CNTNAP4: variants seen among roughly 807,000 people sequenced by gnomAD.
The protein encoded by CNTNAP4 is contactin associated protein family member 4.
CNTNAP4 carries 98 observed loss-of-function variants against 148.4 expected under a neutral mutation model. The ratio of observed to expected loss-of-function variants is 0.66; its 90% CI spans 0.56 to 0.78. The LOEUF is 0.78. Among genes scored for constraint, CNTNAP4 ranks in the 30% least tolerant of loss-of-function variants. The pLI, the probability that CNTNAP4 is intolerant of heterozygous loss-of-function variation, is 0.00. For synonymous variants in CNTNAP4, 730 were observed against 565.1 expected, an observed-to-expected ratio of 1.29 and a Z score of -4.14; for missense variants, 1,935 against 1,565.6, an observed-to-expected ratio of 1.24 and a Z score of -3.98.
chr16:76,558,500 T>C lies in CNTNAP4; in HGVS notation c.3744T>C (p.Ala1248=). ...CTTTTCTCTCTCTAGGTCTGATAGC[T>C]GTTGTGATTTTTATCTTGCTTTGCA... ...SDSAVIGGLI[A]VVIFILLCIT... is the part of the protein sequence containing the mutation. The change falls in exon 24 of 24, where the codon GCT becomes GCC. Residue 1248 remains alanine (A), a synonymous_variant. Coordinates refer to ENST00000611870, the MANE Select transcript of CNTNAP4 (RefSeq NM_033401.5). 1.9e-6 allele frequency: 3 copies of C among 1,592,004 alleles called. No individual in the cohort carries two copies. Among genetic ancestry groups the C allele is most frequent in the South Asian group, 2.2e-5 (2 of 90,014 alleles).
intron 1 of CNTNAP4, among the ~76,000 whole-genome samples, chr16:76,292,832 A>C (rs1052938573): frequency 1.3e-5 from 2 of 152,214 alleles, no homozygotes; most frequent in Admixed American, 1.3e-4. Context: ...CAAAATGAAA[A>C]AGAAAACACT....
intron 1 of CNTNAP4, among the ~76,000 whole-genome samples, chr16:76,286,060 A>G (rs1390098748): frequency 6.6e-6 from 1 of 152,100 alleles, no homozygotes; most frequent in Non-Finnish European, 1.5e-5. Context: ...ATTCAAAGAT[A>G]CTATGTATTG....
At chr16:76,352,439 C>G (rs2011937005) in intron 2 of CNTNAP4, among the ~76,000 whole-genome samples, 1 of 152,132 alleles carries the variant, frequency 6.6e-6, no homozygotes, top group Non-Finnish European at 1.5e-5. Flanking sequence ...ACCAGTGAGT[C>G]TTTTCTACAT....
intron 1 of CNTNAP4, among the ~76,000 whole-genome samples, chr16:76,306,388 A>T (rs1960482894): frequency 6.6e-6 from 1 of 152,128 alleles, no homozygotes; most frequent in Non-Finnish European, 1.5e-5. Flanking sequence ...TCCAGTGGCA[A>T]ATATGCCCTT....
intron 18 of CNTNAP4, among the ~76,000 whole-genome samples, chr16:76,536,988 A>T (rs1238317557): frequency 6.6e-6 from 1 of 152,200 alleles, no homozygotes; most frequent in Non-Finnish European, 1.5e-5. Context: ...TAATAAAAAG[A>T]TGGCCAAATG....
intron 1 of CNTNAP4, among the ~76,000 whole-genome samples, chr16:76,304,799 G>T (rs910229511): frequency 7.1e-4 from 108 of 152,094 alleles, no homozygotes; most frequent in African/African-American, 2.5e-3. Flanking sequence ...TTACAGTTTG[G>T]CAACAGTGGT....
At chr16:76,375,428 GC>G (rs1480062768) in intron 3 of CNTNAP4, among the ~76,000 whole-genome samples, 1 of 152,104 alleles carries the variant, frequency 6.6e-6, no homozygotes, top group Non-Finnish European at 1.5e-5. Context: ...TCAGAAAAAG[GC>G]ATAAATTTAT....
chr16:76,306,281 A>C (rs888883236), intron 1 of CNTNAP4, among the ~76,000 whole-genome samples: 2 of 152,128 alleles, frequency 1.3e-5, no homozygotes, highest in African/African-American at 4.8e-5. Flanking sequence ...AAGGTTATAG[A>C]CTTTCATTTC....
In CNTNAP4 at chr16:76,559,671, A is replaced by G. The variant is rs1208008892; in HGVS notation, c.*988A>G. On this transcript the variant is annotated 3_prime_UTR_variant, in exon 24 of 24. Coordinates refer to ENST00000611870, the MANE Select transcript of CNTNAP4 (RefSeq NM_033401.5). ...TCTGTTTTTCTGAAGTTTATCACAAACTTCGCCTTGATCTTCAATGATTAT... is the reference window on the plus strand; with the variant it reads ...TCTGTTTTTCTGAAGTTTATCACAAGCTTCGCCTTGATCTTCAATGATTAT... 6.6e-6 allele frequency among the ~76,000 whole-genome samples: 1 copy of G among 152,124 alleles called. No individual in the cohort carries two copies. The highest frequency in any genetic ancestry group is 2.1e-4 in the South Asian group (1 of 4,828).
chr16:76,416,039 T>C (rs1010901969), intron 3 of CNTNAP4, among the ~76,000 whole-genome samples: 3 of 151,150 alleles, frequency 2.0e-5, no homozygotes, highest in Non-Finnish European at 4.5e-5. Context: ...ATGTCTTAAC[T>C]TCTATCCTTA....
chr16:76,547,086 C>A (rs1323979229), intron 21 of CNTNAP4, among the ~76,000 whole-genome samples: 1 of 152,150 alleles, frequency 6.6e-6, no homozygotes, highest in African/African-American at 2.4e-5. Flanking sequence ...ACTTTGTTCA[C>A]AATGTACATA....
intron 2 of CNTNAP4, among the ~76,000 whole-genome samples, chr16:76,325,559 A>G (rs61147122): frequency 0.19 from 28,788 of 152,208 alleles, 3,589 homozygotes; most frequent in East Asian, 0.51. Flanking sequence ...AAGAAATCTC[A>G]ATGGAAATGA....
intron 9 of CNTNAP4, among the ~76,000 whole-genome samples, 161 bp downstream of exon 9, chr16:76,462,266 C>T (rs2081003024): frequency 6.6e-6 from 1 of 152,168 alleles, no homozygotes; most frequent in Non-Finnish European, 1.5e-5. Flanking sequence ...TCGAAAAATT[C>T]TGACCTGAAA....
Position 76,294,226 on chromosome 16 carries a change from C to T in CNTNAP4, c.85+16479C>T, listed in dbSNP as rs566529426. The stretch of plus-strand genomic sequence containing the variant: ...GGGACCCACAAGCAAATGGAGAAGA[C>T]AAAAAGTAACTCTAACAAAGAGCAG... On this transcript the variant is annotated intron_variant, in intron 1 of 23. Transcript: ENST00000611870. Among the ~76,000 whole-genome samples, 13 of 152,200 alleles carry T rather than the reference C, an allele frequency of 8.5e-5. No individual in the cohort carries two copies. The East Asian group carries it at 1.9e-3, about 23-fold the overall frequency.
At chr16:76,538,449 A>AG in intron 19 of CNTNAP4, 109 bp downstream of exon 19, 1 of 787,202 alleles carries the variant, frequency 1.3e-6, no homozygotes, top group East Asian at 2.7e-5. Flanking sequence ...AGAAAAATGG[A>AG]GTGTGCCTGT....
At chr16:76,323,309 T>C (rs1295811337) in intron 2 of CNTNAP4, among the ~76,000 whole-genome samples, 2 of 152,084 alleles carry the variant, frequency 1.3e-5, no homozygotes, top group South Asian at 2.1e-4. Context: ...CTTTTTTTTT[T>C]CCTCAGCAGT....
chr16:76,316,601 G>T, intron 2 of CNTNAP4, 78 bp downstream of exon 2: 1 of 903,930 alleles, frequency 1.1e-6, no homozygotes. Flanking sequence ...CAGTCATTAT[G>T]AATGATACAT....
At chr16:76,511,838 G>GGA (rs61708542) in intron 15 of CNTNAP4, among the ~76,000 whole-genome samples, 6,456 of 148,178 alleles carry the variant, frequency 0.044, 373 homozygotes, top group African/African-American at 0.13. Flanking sequence ...ATATTTTCTT[G>GGA]GAGAGAGAGA....
At chr16:76,424,904 C>T (rs74026776) in intron 3 of CNTNAP4, among the ~76,000 whole-genome samples, 4,580 of 152,248 alleles carry the variant, frequency 0.03, 235 homozygotes, top group African/African-American at 0.11. Context: ...CTATATCAGC[C>T]ATCCTAAAAG....
Sources: gnomAD v4.1 joint callset for allele counts (sites outside exome capture counted in the v4.1 genomes callset) on GRCh38, gnomAD v4.1.1 for gene constraint, MANE v1.5 for transcripts, NCBI Gene and HGNC (gene_info 2026-07-23, HGNC 2026-07-21) for gene names.